The following CD226 variants were observed in gnomAD, a reference collection of about 807,000 sequenced individuals.
The protein encoded by CD226 is CD226 antigen.
Under a neutral mutation model 34.9 loss-of-function variants are expected in CD226, and 24 were observed. The ratio of observed to expected loss-of-function variants is 0.69; its 90% CI spans 0.50 to 0.97. CD226 has a LOEUF of 0.97. CD226 is among the 50% of genes least tolerant of loss of function. The pLI is 0.00. For missense variants in CD226, 397 were observed against 412.7 expected (o/e 0.96, Z 0.33); for synonymous variants, 148 against 147.4 (o/e 1.00, Z -0.03).
chr18:69,921,739 A>G (rs1429796566), intron 2 of CD226, among the ~76,000 whole-genome samples: 1 of 152,020 alleles, frequency 6.6e-6, no homozygotes, highest in South Asian at 2.1e-4. Flanking sequence ...AAATCTACAC[A>G]CTCCAAGTTT....
chr18:69,868,406 T>C (rs1983280250), intron 4 of CD226, among the ~76,000 whole-genome samples: 1 of 152,236 alleles, frequency 6.6e-6, no homozygotes, highest in Admixed American at 6.5e-5. Context: ...GGAAAGGTTA[T>C]GCAGGAAATG....
intron 4 of CD226, among the ~76,000 whole-genome samples, chr18:69,870,763 T>C (rs1396953127): frequency 6.6e-6 from 1 of 152,224 alleles, no homozygotes; most frequent in Admixed American, 6.5e-5. Flanking sequence ...TCAGGGACAC[T>C]GTCTGATTTA....
intron 2 of CD226, among the ~76,000 whole-genome samples, chr18:69,914,205 C>A (rs1276288914): frequency 6.6e-6 from 1 of 152,176 alleles, no homozygotes; most frequent in Non-Finnish European, 1.5e-5. Context: ...TATTTCAGAT[C>A]ACACCTGCAA....
intron 2 of CD226, among the ~76,000 whole-genome samples, chr18:69,912,723 T>C (rs2055340668): frequency 1.3e-5 from 2 of 152,258 alleles, no homozygotes; most frequent in African/African-American, 2.4e-5. Flanking sequence ...CTTGTGACTA[T>C]ATTCAATGCT....
intron 2 of CD226, among the ~76,000 whole-genome samples, chr18:69,919,309 T>A (rs1265809662): frequency 6.6e-6 from 1 of 152,118 alleles, no homozygotes; most frequent in East Asian, 1.9e-4. Flanking sequence ...AATTTAAACA[T>A]TCCAGAAACG....
At position 69,946,852 on chromosome 18, in the gene CD226, G is replaced by C; in HGVS notation, c.264C>G (p.Ser88=). 6.2e-7 allele frequency: 1 copy of C among 1,614,070 alleles called. No individual in the cohort carries two copies. Among genetic ancestry groups the C allele is most frequent in the Non-Finnish European group, 8.5e-7 (1 of 1,179,982 alleles). ...RVYFLNSTMA[S]NNMTLFFRNA... Reference sequence around the variant, plus strand: ...TCCGAAAGAAAAGAGTCATGTTATTGGAAGCCATCGTTGAATTCAAAAAGT... The same window carrying C: ...TCCGAAAGAAAAGAGTCATGTTATTCGAAGCCATCGTTGAATTCAAAAAGT... The change falls in exon 2 of 6, where the codon TCC becomes TCG. Residue 88 remains serine, a synonymous_variant. Coordinates refer to ENST00000582621, the MANE Select transcript of CD226 (RefSeq NM_001303618.2).
chr18:69,884,536 T>C (rs1478946565), intron 3 of CD226, among the ~76,000 whole-genome samples: 3 of 152,220 alleles, frequency 2.0e-5, no homozygotes, highest in African/African-American at 7.2e-5. Context: ...TGTCAGCTTT[T>C]GATGGAGAAA....
At chr18:69,925,807 G>A (rs1412922611) in intron 2 of CD226, among the ~76,000 whole-genome samples, 1 of 152,088 alleles carries the variant, frequency 6.6e-6, no homozygotes, top group African/African-American at 2.4e-5. Flanking sequence ...TAAACTCTCA[G>A]TCCCCTTATG....
chr18:69,889,244 A>G (rs1283552090), intron 3 of CD226, among the ~76,000 whole-genome samples: 1 of 152,046 alleles, frequency 6.6e-6, no homozygotes, highest in Non-Finnish European at 1.5e-5. Flanking sequence ...GCTTGTGAGC[A>G]GTGACACGGT....
At chr18:69,875,723 T>C (rs1599381226) in intron 3 of CD226, among the ~76,000 whole-genome samples, 1 of 152,220 alleles carries the variant, frequency 6.6e-6, no homozygotes, top group African/African-American at 2.4e-5. Flanking sequence ...CACTTTTTAA[T>C]TGGGTTGCTC....
chr18:69,908,488 AC>A (rs973971083), intron 2 of CD226, among the ~76,000 whole-genome samples: 2 of 152,252 alleles, frequency 1.3e-5, no homozygotes, highest in Non-Finnish European at 2.9e-5. Context: ...AGAATGACTA[AC>A]ACAAAGATGA....
intron 2 of CD226, among the ~76,000 whole-genome samples, chr18:69,937,836 T>C (rs2055673705): frequency 6.6e-6 from 1 of 152,214 alleles, no homozygotes; most frequent in Admixed American, 6.5e-5. Flanking sequence ...ATCTTTAGAA[T>C]CCCTTTCATC....
Position 69,946,987 on chromosome 18 carries a change from G to A in CD226, c.129C>T (p.Gly43=), listed in dbSNP as rs771906426. 3.1e-6 allele frequency: 5 copies of A among 1,614,108 alleles called. No individual in the cohort carries two copies. Among genetic ancestry groups the A allele is most frequent in the Non-Finnish European group, 2.5e-6 (3 of 1,179,956 alleles). Residue 43 remains glycine, a synonymous_variant, in exon 2 of 6, where the codon GGC becomes GGT. Transcript: ENST00000582621. ...TGAACCACTCCACCTGTGTTAAGAT[G>A]CCCATTGATGGATACACACATTCTA... The part of the protein sequence containing the change: ...MSLECVYPSM[G]ILTQVEWFKI...
chr18:69,896,221 A>G (rs1207308470), intron 2 of CD226, 176 bp from the exon 3 acceptor site: 7 of 893,400 alleles, frequency 7.8e-6, no homozygotes, highest in East Asian at 2.4e-4. Context: ...TTGCTCTGTC[A>G]CCCAGACTAG....
At chr18:69,882,013 G>T (rs568236727) in intron 3 of CD226, among the ~76,000 whole-genome samples, 1 of 152,314 alleles carries the variant, frequency 6.6e-6, no homozygotes, top group South Asian at 2.1e-4. Context: ...ATTATTTTCA[G>T]AGAATTAAAG....
Position 69,863,456 on chromosome 18 carries a change from T to A in CD226, c.*858A>T, listed in dbSNP as rs1217415380. The A allele has an allele frequency of 6.6e-6, 1 of 152,198 alleles. No homozygotes were observed. Among genetic ancestry groups the A allele is most frequent in the Middle Eastern group, 3.2e-3 (1 of 316 alleles). The allele number at this position is 152,198 out of a possible 1,614,324, so 9.4% of individuals were successfully genotyped here. On this transcript the variant is annotated 3_prime_UTR_variant, in exon 6 of 6. Coordinates refer to ENST00000582621, the MANE Select transcript of CD226 (RefSeq NM_001303618.2). The stretch of plus-strand genomic sequence containing the variant: ...ATACAGAATGAGAGATAAATAAATA[T>A]GAGAATAGTAAAGGATTGCCCTCTC...
At chr18:69,943,955 G>T (rs1213048533) in intron 2 of CD226, among the ~76,000 whole-genome samples, 1 of 149,628 alleles carries the variant, frequency 6.7e-6, no homozygotes, top group Non-Finnish European at 1.5e-5. Context: ...TACAAACTAG[G>T]ATTTCTAGAT....
At chr18:69,869,080 G>A (rs1983338662) in intron 4 of CD226, among the ~76,000 whole-genome samples, 1 of 152,208 alleles carries the variant, frequency 6.6e-6, no homozygotes, top group South Asian at 2.1e-4. Flanking sequence ...TTCAGGCATT[G>A]TGGAAGACAG....
At position 69,863,913 on chromosome 18, in the gene CD226, CCAACA is replaced by C. The variant is rs1346807878; in HGVS notation, c.*396_*400del. On this transcript the variant is annotated 3_prime_UTR_variant, in exon 6 of 6. Coordinates refer to ENST00000582621, the MANE Select transcript of CD226 (RefSeq NM_001303618.2). ...TTGCCAAGAGTTGGCAGCCATCTTG[CCAACA>C]CAAGAGGAAAGCCTGCATGAGAGTG... The C allele has an allele frequency of 6.4e-6, 1 of 155,146 alleles. No individual in the cohort carries two copies. Among genetic ancestry groups the C allele is most frequent in the African/African-American group, 2.4e-5 (1 of 41,576 alleles). The allele number at this position is 155,146 out of a possible 1,614,324, so 9.6% of individuals were successfully genotyped here. A position where few individuals can be genotyped will look rare whatever the true frequency, so the allele number is the denominator to read the frequency against.
Sources: gnomAD v4.1 joint callset for allele counts (sites outside exome capture counted in the v4.1 genomes callset) on GRCh38, gnomAD v4.1.1 for gene constraint, MANE v1.5 for transcripts, NCBI Gene and HGNC (gene_info 2026-07-23, HGNC 2026-07-21) for gene names.